MYO18B: variants seen among roughly 807,000 people sequenced by gnomAD.
The protein encoded by MYO18B is unconventional myosin-XVIIIb.
MYO18B carries 204 observed loss-of-function variants against 273.0 expected under a neutral mutation model. The observed-to-expected ratio is 0.75, with a 90% CI of 0.67 to 0.84. The LOEUF is 0.84. Among genes scored for constraint, MYO18B ranks in the 40% least tolerant of loss-of-function variants. The pLI is 0.00. For synonymous variants in MYO18B, 1,330 were observed against 1,305.7 expected (o/e 1.02, Z -0.40); for missense variants, 3,212 against 3,287.6 (o/e 0.98, Z 0.56).
intron 17 of MYO18B, among the ~76,000 whole-genome samples, chr22:25,838,496 C>T (rs1453679335): frequency 6.6e-6 from 1 of 152,192 alleles, no homozygotes; most frequent in Admixed American, 6.5e-5. Context: ...TCATGCACCA[C>T]ATAGCAGTGT....
rs779801493 is a variant in MYO18B, at chr22:25,910,964, C to T, written c.5278C>T (p.Gln1760Ter). The change falls in exon 33 of 44, where the codon CAG becomes TAG. Residue 1760 changes from glutamine (Q) to a stop codon, truncating the protein, a stop_gained. Coordinates refer to ENST00000335473, the MANE Select transcript of MYO18B (RefSeq NM_032608.7). LOFTEE classifies it high-confidence loss of function. ...CQKRLHQLEM[Q>*]LEQEYEEKQM... ...TCCACAGCTTCATCAGCTGGAAATG[C>T]AGCTGGAGCAAGAGTATGAAGAGAA... The T allele has an allele frequency of 4.4e-6, 7 of 1,596,478 alleles. No homozygotes were observed. Among genetic ancestry groups the T allele is most frequent in the African/African-American group, 4.0e-5 (3 of 74,604 alleles).
At chr22:25,978,504 G>A (rs2093117051) in intron 39 of MYO18B, among the ~76,000 whole-genome samples, 1 of 152,206 alleles carries the variant, frequency 6.6e-6, no homozygotes, top group African/African-American at 2.4e-5. Context: ...CTTGATATGC[G>A]AAACAACAAA....
At chr22:25,971,406 G>A (rs2093035003) in intron 39 of MYO18B, among the ~76,000 whole-genome samples, 2 of 152,168 alleles carry the variant, frequency 1.3e-5, no homozygotes, top group Non-Finnish European at 2.9e-5. Context: ...AGAATGTTTT[G>A]CACATGTTAA....
intron 34 of MYO18B, among the ~76,000 whole-genome samples, chr22:25,933,727 G>A (rs187775009): frequency 6.6e-6 from 1 of 152,292 alleles, no homozygotes; most frequent in Non-Finnish European, 1.5e-5. Context: ...TATCCATGTT[G>A]CTGTTTATGG....
chr22:25,908,666 C>T (rs780440907), intron 32 of MYO18B, among the ~76,000 whole-genome samples: 3 of 152,178 alleles, frequency 2.0e-5, no homozygotes, highest in Non-Finnish European at 2.9e-5. Context: ...CATAATGGCT[C>T]AGAGATTTCT....
At chr22:26,007,290 G>A (rs370348533) in intron 42 of MYO18B, among the ~76,000 whole-genome samples, 5 of 152,324 alleles carry the variant, frequency 3.3e-5, no homozygotes, top group African/African-American at 1.2e-4. Flanking sequence ...AATATTAATT[G>A]TATTTGGTCA....
At chr22:25,766,179 C>T (rs1410971485) in intron 3 of MYO18B, among the ~76,000 whole-genome samples, 1 of 152,040 alleles carries the variant, frequency 6.6e-6, no homozygotes, top group African/African-American at 2.4e-5. Flanking sequence ...GCTTTGGAGT[C>T]AGAGAGAACT....
chr22:25,841,478 G>C (rs2090081073), intron 17 of MYO18B, among the ~76,000 whole-genome samples: 1 of 152,210 alleles, frequency 6.6e-6, no homozygotes, highest in Admixed American at 6.5e-5. Flanking sequence ...ATTTCCGTGT[G>C]CTGGACACCA....
intron 17 of MYO18B, among the ~76,000 whole-genome samples, chr22:25,842,140 C>G (rs2090100869): frequency 6.6e-6 from 1 of 152,220 alleles, no homozygotes; most frequent in African/African-American, 2.4e-5. Flanking sequence ...CCCTTTACTC[C>G]TACAAAGGCT....
chr22:26,009,074 A>G (rs2146938214), intron 42 of MYO18B, among the ~76,000 whole-genome samples: 1 of 152,288 alleles, frequency 6.6e-6, no homozygotes, highest in Admixed American at 6.5e-5. Context: ...TTTCCTGGGC[A>G]ATTATTCCAA....
At chr22:26,050,263 C>G in the MYO18B span, among the ~76,000 whole-genome samples, 1 of 152,178 alleles carries the variant, frequency 6.6e-6, no homozygotes. Context: ...GATGCACTGA[C>G]AGTGTCATAA....
rs375334413 is a variant in MYO18B, at chr22:25,998,466, G to A, written c.6288-4799G>A. Among the ~76,000 whole-genome samples the A allele has an allele frequency of 7.2e-4, 110 of 152,240 alleles. 3 individuals carry two copies. The South Asian group carries it at 0.014, about 20-fold the overall frequency. Reference sequence around the variant, plus strand: ...AGTACCAGCTGGCCCAATCTGAGACGAATGCTCTGAAAAAAGAGTCCTCAG... The same window carrying A: ...AGTACCAGCTGGCCCAATCTGAGACAAATGCTCTGAAAAAAGAGTCCTCAG... On this transcript the variant is annotated intron_variant, in intron 40 of 43. Transcript: ENST00000335473.
At chr22:26,057,721 C>G in the MYO18B span, among the ~76,000 whole-genome samples, 1 of 152,092 alleles carries the variant, frequency 6.6e-6, no homozygotes. Context: ...CAACTCTTCC[C>G]TTAATAGTTA....
chr22:25,980,877 AC>A (rs778245088), intron 39 of MYO18B, among the ~76,000 whole-genome samples: 167 of 152,278 alleles, frequency 1.1e-3, no homozygotes, highest in Non-Finnish European at 2.0e-3. Context: ...AGTCCAAAAA[AC>A]CAAGGTGTCA....
At chr22:25,872,961 C>T (rs1051206189) in intron 22 of MYO18B, among the ~76,000 whole-genome samples, 3 of 152,184 alleles carry the variant, frequency 2.0e-5, no homozygotes, top group Non-Finnish European at 4.4e-5. Context: ...AAAATGACTT[C>T]TTCCCCTGTC....
At chr22:25,930,661 A>G (rs2092486063) in intron 34 of MYO18B, among the ~76,000 whole-genome samples, 3 of 151,784 alleles carry the variant, frequency 2.0e-5, no homozygotes, top group South Asian at 4.2e-4. Context: ...TTTGCTAGAG[A>G]CAAAGTTTCT....
chr22:25,834,713 G>A (rs1023472079), intron 16 of MYO18B, among the ~76,000 whole-genome samples: 1 of 152,162 alleles, frequency 6.6e-6, no homozygotes, highest in African/African-American at 2.4e-5. Context: ...CAAAATTACA[G>A]GGTTGAGTAG....
chr22:26,021,550 T>C (rs1018211815), intron 42 of MYO18B, among the ~76,000 whole-genome samples: 14 of 152,240 alleles, frequency 9.2e-5, no homozygotes, highest in Non-Finnish European at 1.8e-4. Flanking sequence ...AAGACATTAT[T>C]CTATAGACAC....
chr22:25,814,062 A>G lies in MYO18B; in HGVS notation c.2522-9443A>G, dbSNP rs374262896. 1.2e-4 allele frequency among the ~76,000 whole-genome samples: 18 copies of G among 152,182 alleles called. 1 individual carries two copies. Among genetic ancestry groups the G allele is most frequent in the Middle Eastern group, 3.2e-3 (1 of 316 alleles). ...ACAATTAAATATTTTTTAAAAATAC[A>G]TGCTCAGAAGTGGCGATGCTGGAAG... On this transcript the variant is annotated intron_variant, in intron 12 of 43. Transcript: ENST00000335473.
Sources: gnomAD v4.1 joint callset for allele counts (sites outside exome capture counted in the v4.1 genomes callset) on GRCh38, gnomAD v4.1.1 for gene constraint, MANE v1.5 for transcripts, NCBI Gene and HGNC (gene_info 2026-07-23, HGNC 2026-07-21) for gene names.